Variants in SPATA16 observed in about 807,000 individuals in gnomAD.
The protein encoded by SPATA16 is spermatogenesis-associated protein 16.
Under a neutral mutation model 63.3 loss-of-function variants are expected in SPATA16, and 36 were observed. That is an observed-to-expected ratio of 0.57 (90% confidence interval 0.44 to 0.75). SPATA16 has a LOEUF of 0.75. Among genes scored for constraint, SPATA16 ranks in the 30% least tolerant of loss-of-function variants. SPATA16 has a pLI of 0.00. For missense variants in SPATA16, 646 were observed against 679.3 expected (o/e 0.95, Z 0.54); for synonymous variants, 203 against 216.7 (o/e 0.94, Z 0.56).
At position 173,093,040 on chromosome 3, in the gene SPATA16, A is replaced by AACACACAC. The variant is rs57114377; in HGVS notation, c.612+24072_612+24079dup. The stretch of plus-strand genomic sequence containing the variant: ...TTTATTGTAATTTTTATGCACCTAA[A>AACACACAC]ACACACACACACACACACACACACA... On this transcript the variant is annotated intron_variant, in intron 2 of 10. Transcript: ENST00000351008. Among the ~76,000 whole-genome samples the AACACACAC allele has an allele frequency of 6.0e-3, 860 of 142,626 alleles. 4 individuals carry two copies. The highest frequency in any genetic ancestry group is 0.016 in the African/African-American group (633 of 38,450). 93.6% of individuals were successfully genotyped at this position (142,626 alleles called of 152,430 possible).
At chr3:172,982,306 T>C (rs1373154012) in intron 4 of SPATA16, among the ~76,000 whole-genome samples, 1 of 152,192 alleles carries the variant, frequency 6.6e-6, no homozygotes, top group African/African-American at 2.4e-5. Flanking sequence ...ATGGGCTTTG[T>C]CAGTCTAATT....
At chr3:173,119,431 G>C (rs966156415) in intron 1 of SPATA16, among the ~76,000 whole-genome samples, 14 of 152,150 alleles carry the variant, frequency 9.2e-5, no homozygotes, top group East Asian at 1.9e-4. Context: ...TTCCCCCTTT[G>C]TACCATTGGA....
chr3:173,102,130 C>T (rs997359843), intron 2 of SPATA16, among the ~76,000 whole-genome samples: 3 of 152,168 alleles, frequency 2.0e-5, no homozygotes, highest in Non-Finnish European at 2.9e-5. Flanking sequence ...TATTCCTACT[C>T]ACCTCCTATA....
chr3:173,069,634 A>G (rs1019969556), intron 2 of SPATA16, among the ~76,000 whole-genome samples: 1 of 152,252 alleles, frequency 6.6e-6, no homozygotes, highest in African/African-American at 2.4e-5. Flanking sequence ...GACTTATTCT[A>G]TGAGGTCAGT....
rs370280005 is a variant in SPATA16, at chr3:172,932,977, T to C, written c.1082-7485A>G. Among the ~76,000 whole-genome samples the C allele has an allele frequency of 8.5e-5, 13 of 152,288 alleles. 2 individuals are homozygous for C. Among genetic ancestry groups the C allele is most frequent in the South Asian group, 2.1e-4 (1 of 4,822 alleles). On this transcript the variant is annotated intron_variant, in intron 6 of 10. Coordinates refer to ENST00000351008, the MANE Select transcript of SPATA16 (RefSeq NM_031955.6). ...CCACATAAAAACTTAGAAAGACACA[T>C]AATCCCACAGGAATTTTATACACAG...
At chr3:173,007,415 C>T (rs866264330) in intron 4 of SPATA16, among the ~76,000 whole-genome samples, 3 of 151,968 alleles carry the variant, frequency 2.0e-5, no homozygotes, top group Non-Finnish European at 2.9e-5. Context: ...TGTCAGAGGC[C>T]AAGAGTGAGA....
At chr3:173,066,069 T>C (rs921681930) in intron 2 of SPATA16, among the ~76,000 whole-genome samples, 1 of 151,916 alleles carries the variant, frequency 6.6e-6, no homozygotes, top group Admixed American at 6.6e-5. Flanking sequence ...CTCCTTCCAC[T>C]TGGGGGAAGG....
chr3:173,025,374 A>G (rs1326053243), intron 3 of SPATA16, among the ~76,000 whole-genome samples: 1 of 151,860 alleles, frequency 6.6e-6, no homozygotes, highest in Non-Finnish European at 1.5e-5. Context: ...TTGTTTTTAA[A>G]GGCAATATTC....
chr3:172,919,084 A>G (rs1430221973), intron 8 of SPATA16, among the ~76,000 whole-genome samples: 1 of 152,362 alleles, frequency 6.6e-6, no homozygotes, highest in Middle Eastern at 3.4e-3. Flanking sequence ...TAAAAGTAAA[A>G]TTAATGAAGT....
chr3:172,981,363 C>G (rs1024736396), intron 4 of SPATA16, among the ~76,000 whole-genome samples: 1 of 152,166 alleles, frequency 6.6e-6, no homozygotes, highest in African/African-American at 2.4e-5. Flanking sequence ...TGCAAAGCTT[C>G]CTGTCTCTCT....
At chr3:173,079,731 A>G (rs555859498) in intron 2 of SPATA16, among the ~76,000 whole-genome samples, 1 of 152,294 alleles carries the variant, frequency 6.6e-6, no homozygotes, top group East Asian at 1.9e-4. Context: ...AAATCACTCT[A>G]ATTTTCTTTA....
chr3:173,095,453 A>G (rs1737329231), intron 2 of SPATA16, among the ~76,000 whole-genome samples: 1 of 152,296 alleles, frequency 6.6e-6, no homozygotes, highest in East Asian at 1.9e-4. Context: ...CAATGTAAAT[A>G]TCTACCTATG....
Position 173,117,658 on chromosome 3 carries a change from A to G in SPATA16, c.74T>C (p.Ile25Thr). The G allele has an allele frequency of 6.2e-7, 1 of 1,614,020 alleles. No homozygotes were observed. The highest frequency in any genetic ancestry group is 8.5e-7 in the Non-Finnish European group (1 of 1,179,992). Reference protein sequence around the residue: ...RIYHDQLVPKINTSKKMSTLA... With the variant: ...RIYHDQLVPKTNTSKKMSTLA... ...GGTGGACATTTTCTTGCTTGTGTTT[A>G]TCTTTGGAACAAGCTGATCATGATA... Residue 25 changes from isoleucine (I) to threonine (T), a missense_variant, in exon 2 of 11, where the codon ATA becomes ACA. Transcript: ENST00000351008.
chr3:173,080,265 G>C (rs1015199687), intron 2 of SPATA16, among the ~76,000 whole-genome samples: 6 of 152,142 alleles, frequency 3.9e-5, no homozygotes, highest in African/African-American at 1.4e-4. Flanking sequence ...TTTCAGAAGG[G>C]AGGAATCAAA....
At chr3:172,952,956 A>G (rs991548239) in intron 6 of SPATA16, among the ~76,000 whole-genome samples, 7 of 151,522 alleles carry the variant, frequency 4.6e-5, no homozygotes, top group Non-Finnish European at 8.8e-5. Flanking sequence ...AAAAAAAAAA[A>G]AAAAGAAAAC....
intron 3 of SPATA16, among the ~76,000 whole-genome samples, chr3:173,032,719 T>C (rs1365300608): frequency 1.3e-5 from 2 of 152,150 alleles, no homozygotes; most frequent in Non-Finnish European, 2.9e-5. Flanking sequence ...AGAACATTTA[T>C]TTTTTTCTAC....
At chr3:172,964,848 T>C (rs1339438414) in intron 5 of SPATA16, among the ~76,000 whole-genome samples, 3 of 152,178 alleles carry the variant, frequency 2.0e-5, no homozygotes, top group Non-Finnish European at 4.4e-5. Flanking sequence ...TGGGCTATTA[T>C]TTGAGATGAC....
At chr3:172,950,197 C>T (rs1236870568) in intron 6 of SPATA16, among the ~76,000 whole-genome samples, 1 of 152,110 alleles carries the variant, frequency 6.6e-6, no homozygotes, top group Non-Finnish European at 1.5e-5. Flanking sequence ...ATGATGGAGA[C>T]CAGAGGCAAA....
At chr3:172,965,583 A>G (rs775083494) in intron 5 of SPATA16, among the ~76,000 whole-genome samples, 7 of 152,074 alleles carry the variant, frequency 4.6e-5, no homozygotes, top group Non-Finnish European at 1.0e-4. Context: ...CTTTTCTTAC[A>G]TAAGTTTCAG....
Sources: gnomAD v4.1 joint callset for allele counts (sites outside exome capture counted in the v4.1 genomes callset) on GRCh38, gnomAD v4.1.1 for gene constraint, MANE v1.5 for transcripts, NCBI Gene and HGNC (gene_info 2026-07-23, HGNC 2026-07-21) for gene names.